COL13A1: variants seen among roughly 807,000 people sequenced by gnomAD.
The protein encoded by COL13A1 is collagen type XIII alpha 1 chain, also known as collagen alpha-1(XIII) chain.
Under a neutral mutation model 130.9 loss-of-function variants are expected in COL13A1, and 89 were observed. The observed-to-expected ratio is 0.68, with a 90% CI of 0.57 to 0.81. The LOEUF (loss-of-function observed/expected upper bound fraction) is 0.81. Among genes scored for constraint, COL13A1 ranks in the 30% least tolerant of loss-of-function variants. The pLI is 0.00. For missense variants in COL13A1, 879 were observed against 934.6 expected (o/e 0.94, Z 0.78); for synonymous variants, 402 against 341.6 (o/e 1.18, Z -1.95).
chr10:69,917,475 A>T, intron 18 of COL13A1, 142 bp downstream of exon 18: 1 of 750,336 alleles, frequency 1.3e-6, no homozygotes, highest in Non-Finnish European at 2.1e-6. Flanking sequence ...CAGCTGCAGC[A>T]TTGTGGTCTC....
At chr10:69,806,191 C>T (rs1841516405) in intron 1 of COL13A1, among the ~76,000 whole-genome samples, 1 of 152,240 alleles carries the variant, frequency 6.6e-6, no homozygotes, top group East Asian at 1.9e-4. Context: ...ATCTTTGCAG[C>T]AGGCAGGACT....
At chr10:69,871,378 C>G (rs1365202056) in intron 3 of COL13A1, among the ~76,000 whole-genome samples, 5 of 152,138 alleles carry the variant, frequency 3.3e-5, no homozygotes, top group African/African-American at 1.2e-4. Flanking sequence ...AGGAAAGTCC[C>G]TACCTCAGGA....
At position 69,837,896 on chromosome 10, in the gene COL13A1, T is replaced by A. The variant is rs556985280; in HGVS notation, c.364+15458T>A. ...TTAGTGGCACTGTAGTGGGGCTGGATGTTCCTCAGAGCATTTGCCCACCTT... is the reference window on the plus strand; with the variant it reads ...TTAGTGGCACTGTAGTGGGGCTGGAAGTTCCTCAGAGCATTTGCCCACCTT... On this transcript the variant is annotated intron_variant, in intron 2 of 40. Coordinates refer to ENST00000645393, the MANE Select transcript of COL13A1 (RefSeq NM_001368882.1). 1.1e-4 allele frequency among the ~76,000 whole-genome samples: 17 copies of A among 152,354 alleles called. No individual in the cohort carries two copies. In the South Asian group the frequency reaches 3.1e-3, roughly 28 times the overall value.
chr10:69,852,611 G>T (rs1010461140), intron 2 of COL13A1, among the ~76,000 whole-genome samples: 3 of 152,382 alleles, frequency 2.0e-5, no homozygotes, highest in Middle Eastern at 6.8e-3. Context: ...TCAGCAGGGT[G>T]GGGTGACTGG....
chr10:69,942,088 T>C (rs1412777105), intron 35 of COL13A1, among the ~76,000 whole-genome samples: 1 of 152,156 alleles, frequency 6.6e-6, no homozygotes, highest in East Asian at 1.9e-4. Context: ...TCACAGGTCT[T>C]CCCAGGTGGC....
At chr10:69,866,988 T>TCCTTC (rs2058587430) in intron 2 of COL13A1, among the ~76,000 whole-genome samples, 1 of 152,110 alleles carries the variant, frequency 6.6e-6, no homozygotes, top group Non-Finnish European at 1.5e-5. Flanking sequence ...GAAGCGCCTT[T>TCCTTC]CCTTCCCTAT....
At chr10:69,864,565 C>T (rs1483016281) in intron 2 of COL13A1, among the ~76,000 whole-genome samples, 1 of 152,160 alleles carries the variant, frequency 6.6e-6, no homozygotes, top group African/African-American at 2.4e-5. Context: ...AATGAGTATA[C>T]TTTATTCATC....
At chr10:69,870,311 T>A (rs561836834) in intron 3 of COL13A1, among the ~76,000 whole-genome samples, 3 of 151,130 alleles carry the variant, frequency 2.0e-5, no homozygotes, top group Non-Finnish European at 4.4e-5. Context: ...AAGAAAAAAC[T>A]TTTTTGGGTG....
At chr10:69,804,112 C>T (rs915063754) in intron 1 of COL13A1, among the ~76,000 whole-genome samples, 3 of 152,254 alleles carry the variant, frequency 2.0e-5, no homozygotes, top group Non-Finnish European at 2.9e-5. Flanking sequence ...CTCCATCGGG[C>T]CGTCCATGGT....
rs758265278 is a variant in COL13A1 at position 69,905,807 on chromosome 10, C to T, written c.906C>T (p.Gly302=). ...CCCAGGGAGACCCAGGGATCCAGGG[C>T]TACCACGGCCGGAAGGTAAGATGGA... is the stretch of plus-strand genomic sequence containing the variant. ...PGPKGDPGIQ[G]YHGRKGERGM... Residue 302 remains glycine (G), a synonymous_variant, in exon 17 of 41, where the codon GGC becomes GGT. Coordinates refer to ENST00000645393, the MANE Select transcript of COL13A1 (RefSeq NM_001368882.1). 6.2e-7 allele frequency: 1 copy of T among 1,613,722 alleles called. No individual in the cohort carries two copies. The highest frequency in any genetic ancestry group is 1.1e-5 in the South Asian group (1 of 90,966).
chr10:69,886,866 G>A (rs1564950365), intron 7 of COL13A1, among the ~76,000 whole-genome samples: 1 of 152,204 alleles, frequency 6.6e-6, no homozygotes, highest in African/African-American at 2.4e-5. Context: ...GCACCTCCAG[G>A]AAAATAGGCA....
At chr10:69,861,178 AAGC>A (rs1448448347) in intron 2 of COL13A1, among the ~76,000 whole-genome samples, 1 of 152,156 alleles carries the variant, frequency 6.6e-6, no homozygotes. Flanking sequence ...TCCAGATTGA[AAGC>A]AGGGGTTAGC....
chr10:69,952,577 G>A (rs984678935), intron 38 of COL13A1, among the ~76,000 whole-genome samples: 4 of 152,154 alleles, frequency 2.6e-5, no homozygotes, highest in Non-Finnish European at 5.9e-5. Context: ...ACAGACCCAC[G>A]CTGGGCTTAG....
chr10:69,899,924 A>C (rs1326209609), intron 14 of COL13A1, among the ~76,000 whole-genome samples: 3 of 152,200 alleles, frequency 2.0e-5, no homozygotes, highest in African/African-American at 7.2e-5. Context: ...CCAAGGGCCT[A>C]GATGTTCAGG....
chr10:69,835,395 C>A (rs1048793724), intron 2 of COL13A1, among the ~76,000 whole-genome samples: 1 of 152,118 alleles, frequency 6.6e-6, no homozygotes, highest in Non-Finnish European at 1.5e-5. Context: ...CCTGGACCCA[C>A]CCAGGCTGCC....
At position 69,886,826 on chromosome 10, in the gene COL13A1, C is replaced by T. The variant is rs187042320; in HGVS notation, c.514-630C>T. Among the ~76,000 whole-genome samples, 309 of 152,270 alleles carry T rather than the reference C, an allele frequency of 2.0e-3. 5 individuals carry two copies. Among genetic ancestry groups the T allele is most frequent in the East Asian group, 5.8e-3 (30 of 5,184 alleles). ...GGTCAGTGAACCTGCTTCTAGTCTC[C>T]GTCCTAAATATTTATTTATGTTGCA... On this transcript the variant is annotated intron_variant, in intron 7 of 40. Coordinates refer to ENST00000645393, the MANE Select transcript of COL13A1 (RefSeq NM_001368882.1).
chr10:69,856,006 C>G (rs1158104297), intron 2 of COL13A1, among the ~76,000 whole-genome samples: 1 of 152,220 alleles, frequency 6.6e-6, no homozygotes, highest in Non-Finnish European at 1.5e-5. Context: ...TGAGCCCACA[C>G]TCTGGGCCAG....
intron 2 of COL13A1, among the ~76,000 whole-genome samples, chr10:69,851,902 G>A (rs34956979): frequency 0.051 from 7,834 of 152,234 alleles, 296 homozygotes; most frequent in Non-Finnish European, 0.069. Context: ...TGATCCACCC[G>A]CCTCAGCCTC....
intron 1 of COL13A1, among the ~76,000 whole-genome samples, chr10:69,816,391 T>C (rs1844525624): frequency 6.6e-6 from 1 of 151,094 alleles, no homozygotes; most frequent in African/African-American, 2.4e-5. Flanking sequence ...GAAGCTCAGT[T>C]TTGCCAGGCT....
Sources: gnomAD v4.1 joint callset for allele counts (sites outside exome capture counted in the v4.1 genomes callset) on GRCh38, gnomAD v4.1.1 for gene constraint, MANE v1.5 for transcripts, NCBI Gene and HGNC (gene_info 2026-07-23, HGNC 2026-07-21) for gene names.